The following NEB variants were observed in gnomAD, a reference collection of about 807,000 sequenced individuals.
The protein encoded by NEB is nemaline myopathy type 2.
In NEB, 512 loss-of-function variants were observed where a neutral mutation model predicts 952.2. The observed-to-expected ratio is 0.54, with a 90% CI of 0.50 to 0.58. The LOEUF (loss-of-function observed/expected upper bound fraction) is 0.58, where lower values mean the gene tolerates loss of function less well. NEB is among the 20% of genes least tolerant of loss of function. NEB has a pLI of 0.00. For synonymous variants in NEB, 2,900 were observed against 3,149.8 expected, an observed-to-expected ratio of 0.92 and a Z score of 2.66; for missense variants, 8,428 against 9,231.1, an observed-to-expected ratio of 0.91 and a Z score of 3.56.
rs371591500 is a variant in NEB, at chr2:151,485,916, C to A, written c.25422G>T (p.Met8474Ile). 2 of 1,613,810 alleles carry A rather than the reference C, an allele frequency of 1.2e-6. No homozygotes were observed. Among genetic ancestry groups the A allele is most frequent in the Non-Finnish European group, 1.7e-6 (2 of 1,179,804 alleles). ...CTGCATCAGCAGCCATATAGTCATACATGGCACGGAAGATTTTCTATTCGT... is the reference window on the plus strand; with the variant it reads ...CTGCATCAGCAGCCATATAGTCATAAATGGCACGGAAGATTTTCTATTCGT... ...PSTAGKIFRA[M>I]YDYMAADADE... Residue 8474 changes from methionine to isoleucine, a missense_variant, in exon 182 of 182, where the codon ATG becomes ATT. Met to Ile is a conservative substitution (Grantham distance 10). Coordinates refer to ENST00000397345, the MANE Select transcript of NEB (RefSeq NM_001164508.2).
chr2:151,527,612 C>T (rs532820519), intron 146 of NEB, 27 bp from the exon 147 acceptor site: 5 of 1,547,308 alleles, frequency 3.2e-6, no homozygotes, highest in Non-Finnish European at 4.4e-6. Flanking sequence ...AGAAAGGAAT[C>T]ACTTGATTCA....
chr2:151,688,238 C>T, intron 25 of NEB, 54 bp downstream of exon 25: 5 of 1,350,246 alleles, frequency 3.7e-6, no homozygotes, highest in Non-Finnish European at 5.2e-6. Flanking sequence ...AAATTTAAAA[C>T]ATTTTCTCTT....
Position 151,601,390 on chromosome 2 carries a change from A to G in NEB, c.13476+511T>C, listed in dbSNP as rs926173972. Among the ~76,000 whole-genome samples the G allele has an allele frequency of 8.2e-5, 12 of 145,950 alleles. 1 individual carries two copies. Among genetic ancestry groups the G allele is most frequent in the African/African-American group, 3.1e-4 (12 of 38,630 alleles). On this transcript the variant is annotated intron_variant, in intron 88 of 181. Transcript: ENST00000397345. The stretch of plus-strand genomic sequence containing the variant: ...TCCCAAAATGCTGGGATTTACAGGC[A>G]TGAGCCACCATGCCTTGCCTGAAAT...
intron 9 of NEB, among the ~76,000 whole-genome samples, chr2:151,720,837 T>C (rs2099772257): frequency 6.6e-6 from 1 of 152,226 alleles, no homozygotes; most frequent in African/African-American, 2.4e-5. Context: ...CCCTCATAGA[T>C]GTTCATGTCT....
intron 12 of NEB, 38 bp from the exon 13 acceptor site, chr2:151,707,035 G>T: frequency 2.3e-6 from 3 of 1,330,100 alleles, no homozygotes; most frequent in Non-Finnish European, 3.1e-6. Flanking sequence ...TAACTCTATG[G>T]GTTATTTTTG....
rs775746719 is a variant in NEB, at chr2:151,687,649, C to G, written c.2500G>C (p.Ala834Pro). 6.2e-7 allele frequency: 1 copy of G among 1,612,200 alleles called. No homozygotes were observed. The highest frequency in any genetic ancestry group is 1.1e-5 in the South Asian group (1 of 90,960). The change falls in exon 26 of 182, where the codon GCC becomes CCC. Residue 834 changes from alanine to proline, a missense_variant. Ala to Pro is a conservative substitution (Grantham distance 27). Coordinates refer to ENST00000397345, the MANE Select transcript of NEB (RefSeq NM_001164508.2). ...ACATCGCTGGTGTTCTTGGTGTTGGCTTTGGCTGCCAACAGGGGAATGGCG... is the reference window on the plus strand; with the variant it reads ...ACATCGCTGGTGTTCTTGGTGTTGGGTTTGGCTGCCAACAGGGGAATGGCG... ...VDAIPLLAAKANTKNTSDVMY... is the reference protein window; with the variant it reads ...VDAIPLLAAKPNTKNTSDVMY...
Position 151,575,172 on chromosome 2 carries a change from C to T in NEB, c.17013+523G>A, listed in dbSNP as rs568470719. Reference sequence around the variant, plus strand: ...TGAAATAATCAAGGGGACCCTGACACTTGAAAGTAGGAAGAAAAGTGTTTA... The same window carrying T: ...TGAAATAATCAAGGGGACCCTGACATTTGAAAGTAGGAAGAAAAGTGTTTA... On this transcript the variant is annotated intron_variant, in intron 107 of 181. Coordinates refer to ENST00000397345, the MANE Select transcript of NEB (RefSeq NM_001164508.2). Among the ~76,000 whole-genome samples, 313 of 152,234 alleles carry T rather than the reference C, an allele frequency of 2.1e-3. 6 individuals carry two copies. The highest frequency in any genetic ancestry group is 2.5e-4 in the Non-Finnish European group (17 of 68,032).
At chr2:151,679,583 T>G in intron 32 of NEB, 138 bp downstream of exon 32, 2 of 628,816 alleles carry the variant, frequency 3.2e-6, no homozygotes, top group Non-Finnish European at 5.6e-6. Flanking sequence ...TTAGGGAACT[T>G]TATTTCCTAA....
At chr2:151,517,332 G>A (rs544494923) in intron 156 of NEB, among the ~76,000 whole-genome samples, 34 of 152,264 alleles carry the variant, frequency 2.2e-4, no homozygotes, top group Admixed American at 6.5e-4. Flanking sequence ...CGAGCTCTTG[G>A]GTTGTAACAA....
chr2:151,659,002 A>G (rs2099116663), intron 47 of NEB, 63 bp downstream of exon 47: 1 of 1,137,110 alleles, frequency 8.8e-7, no homozygotes, highest in African/African-American at 1.5e-5. Flanking sequence ...ATATTAATTA[A>G]TTTGTTCTTA....
At chr2:151,618,212 T>A in intron 74 of NEB, 63 bp downstream of exon 74, 1 of 1,411,184 alleles carries the variant, frequency 7.1e-7, no homozygotes, top group East Asian at 2.3e-5. Context: ...CAATAATATA[T>A]CAGAATTTTT....
intron 9 of NEB, among the ~76,000 whole-genome samples, chr2:151,722,918 G>C (rs2099779070): frequency 6.6e-6 from 1 of 152,146 alleles, no homozygotes. Context: ...CCACAATTTG[G>C]ACTTGATGAT....
intron 64 of NEB, among the ~76,000 whole-genome samples, chr2:151,635,378 G>A (rs116381842): frequency 6.6e-6 from 1 of 152,242 alleles, no homozygotes; most frequent in African/African-American, 2.4e-5. Context: ...CACCAGAAAA[G>A]GATGACAGTT....
At chr2:151,729,280 C>T (rs2099799927) in intron 4 of NEB, among the ~76,000 whole-genome samples, 1 of 152,136 alleles carries the variant, frequency 6.6e-6, no homozygotes, top group Non-Finnish European at 1.5e-5. Context: ...GGCTCCTTGG[C>T]TTGTTGTCAC....
At chr2:151,723,144 AT>A (rs1383248861) in intron 9 of NEB, among the ~76,000 whole-genome samples, 1 of 152,226 alleles carries the variant, frequency 6.6e-6, no homozygotes, top group Non-Finnish European at 1.5e-5. Flanking sequence ...GTGACCCCAG[AT>A]TCAGGTTTGC....
rs71403173 is a variant in NEB at position 151,512,019 on chromosome 2, C to CTTTTTTTTTT, written c.23346+704_23346+713dup. On this transcript the variant is annotated intron_variant, in intron 161 of 181. Coordinates refer to ENST00000397345, the MANE Select transcript of NEB (RefSeq NM_001164508.2). ...CTGCATCATAGGTTACCCTCTCACT[C>CTTTTTTTTTT]TTTTTTTTTTTTTTTTTTTTTTTTT... is the stretch of plus-strand genomic sequence containing the variant. Among the ~76,000 whole-genome samples, 12 of 93,582 alleles carry CTTTTTTTTTT rather than the reference C, an allele frequency of 1.3e-4. 1 individual carries two copies. The South Asian group carries it at 2.2e-3, about 17-fold the overall frequency. 61.4% of individuals were successfully genotyped at this position (93,582 alleles called of 152,430 possible).
chr2:151,490,139 GTT>G, intron 180 of NEB, 62 bp from the exon 181 acceptor site: 1 of 1,330,420 alleles, frequency 7.5e-7, no homozygotes, highest in East Asian at 2.3e-5. Context: ...TTTAATCTGT[GTT>G]TAGCAGCTGA....
chr2:151,557,885 A>G (rs2095770932), intron 124 of NEB, among the ~76,000 whole-genome samples: 1 of 152,230 alleles, frequency 6.6e-6, no homozygotes, highest in Non-Finnish European at 1.5e-5. Context: ...AGTAAGAGCT[A>G]TTTATAACAA....
chr2:151,701,312 T>G (rs1030762462), intron 13 of NEB, among the ~76,000 whole-genome samples: 33 of 151,992 alleles, frequency 2.2e-4, no homozygotes, highest in Non-Finnish European at 3.7e-4. Flanking sequence ...TCAAGGATAT[T>G]GGTCTAAAAT....
Sources: allele counts gnomAD v4.1 joint callset (sites outside exome capture counted in the v4.1 genomes callset), GRCh38; gene constraint gnomAD v4.1.1; transcripts MANE v1.5; gene names NCBI Gene and HGNC (gene_info 2026-07-23, HGNC 2026-07-21).